The following FMNL2 variants were observed in gnomAD, a reference collection of about 807,000 sequenced individuals.
FMNL2 encodes formin-like protein 2.
A neutral mutation model predicts 130.2 loss-of-function variants in FMNL2; 51 were observed. The ratio of observed to expected loss-of-function variants is 0.39; its 90% CI spans 0.31 to 0.49. The LOEUF (loss-of-function observed/expected upper bound fraction) is 0.49. FMNL2 is among the 20% of genes least tolerant of loss of function. The pLI is 0.85. For synonymous variants in FMNL2, 465 were observed against 467.1 expected (o/e 1.00, Z 0.06); for missense variants, 977 against 1,316.2 (o/e 0.74, Z 3.99).
intron 1 of FMNL2, among the ~76,000 whole-genome samples, chr2:152,519,611 G>A (rs1692966508): frequency 6.6e-6 from 1 of 152,138 alleles, no homozygotes; most frequent in Admixed American, 6.5e-5. Context: ...TTTATCCTTG[G>A]GAGCCTAACA....
At chr2:152,376,516 G>A (rs936591982) in intron 1 of FMNL2, among the ~76,000 whole-genome samples, 3 of 152,172 alleles carry the variant, frequency 2.0e-5, no homozygotes, top group African/African-American at 7.2e-5. Context: ...CATTGGGGCC[G>A]AGGAAGGAGC....
chr2:152,617,265 C>T (rs1336643530), intron 13 of FMNL2, 73 bp downstream of exon 13: 4 of 1,328,544 alleles, frequency 3.0e-6, no homozygotes, highest in Non-Finnish European at 4.3e-6. Flanking sequence ...CAGTGGAACG[C>T]AGAGTACCTT....
intron 1 of FMNL2, among the ~76,000 whole-genome samples, chr2:152,358,454 A>G (rs1682970186): frequency 6.6e-6 from 1 of 151,888 alleles, no homozygotes. Context: ...GTTTGAGACC[A>G]CCCTGGCCAA....
At chr2:152,373,833 T>C (rs779775790) in intron 1 of FMNL2, among the ~76,000 whole-genome samples, 2 of 152,086 alleles carry the variant, frequency 1.3e-5, no homozygotes, top group Non-Finnish European at 2.9e-5. Flanking sequence ...ATCTGGGATG[T>C]AAGAGTTCAA....
chr2:152,629,697 G>T lies in FMNL2; in HGVS notation c.2442G>T (p.Ser814=). Residue 814 remains serine (S), a synonymous_variant, in exon 19 of 26, where the codon TCG becomes TCT. Coordinates refer to ENST00000288670, the MANE Select transcript of FMNL2 (RefSeq NM_052905.4). The stretch of plus-strand genomic sequence containing the variant: ...TAGCAGCATCTGTCTCTATAAAGTC[G>T]TCCCAAAAACTCAAGAAAATTCTGG... ...AIIAASVSIK[S]SQKLKKILEI... 6.2e-7 allele frequency: 1 copy of T among 1,603,530 alleles called. No homozygotes were observed. The highest frequency in any genetic ancestry group is 8.5e-7 in the Non-Finnish European group (1 of 1,174,530).
chr2:152,588,702 GT>G (rs1310900051), intron 9 of FMNL2, among the ~76,000 whole-genome samples: 4 of 152,042 alleles, frequency 2.6e-5, no homozygotes, highest in African/African-American at 9.7e-5. Flanking sequence ...CGAATCTCCA[GT>G]TTTAAAGAGC....
intron 15 of FMNL2, among the ~76,000 whole-genome samples, chr2:152,624,084 CCTTCGCCTCCCCTCCCCTCCCT>C (rs1681590461): frequency 9.1e-4 from 5 of 5,524 alleles, no homozygotes; most frequent in African/African-American, 2.1e-3. Flanking sequence ...CACTCAATTC[CCTTCGCCTCCCCTCCCCTCCCT>C]TCCCTTCCCT....
At chr2:152,390,153 T>C in intron 1 of FMNL2, 1 of 1,261,316 alleles carries the variant, frequency 7.9e-7, no homozygotes. Context: ...CCTGCCCAAT[T>C]ACTGCTGGAC....
At chr2:152,548,289 C>T (rs1396214586) in intron 3 of FMNL2, among the ~76,000 whole-genome samples, 2 of 152,200 alleles carry the variant, frequency 1.3e-5, no homozygotes, top group Non-Finnish European at 2.9e-5. Flanking sequence ...AAAGGGCCTG[C>T]CTGCAAGGTT....
At chr2:152,602,511 A>C (rs1486806137) in intron 9 of FMNL2, among the ~76,000 whole-genome samples, 1 of 152,132 alleles carries the variant, frequency 6.6e-6, no homozygotes, top group Admixed American at 6.5e-5. Context: ...TGTAGCTCTT[A>C]AACTTTCTCC....
At chr2:152,355,286 G>A (rs1579461001) in intron 1 of FMNL2, among the ~76,000 whole-genome samples, 1 of 152,120 alleles carries the variant, frequency 6.6e-6, no homozygotes, top group Non-Finnish European at 1.5e-5. Context: ...TTTTTCTTGA[G>A]CAGAAACAAA....
At chr2:152,419,015 T>A (rs1686767313) in intron 1 of FMNL2, among the ~76,000 whole-genome samples, 1 of 151,502 alleles carries the variant, frequency 6.6e-6, no homozygotes, top group African/African-American at 2.4e-5. Flanking sequence ...CTGATGGGTA[T>A]GAAACAGCAT....
chr2:152,442,344 C>T (rs554489904), intron 1 of FMNL2, among the ~76,000 whole-genome samples: 8 of 151,864 alleles, frequency 5.3e-5, no homozygotes, highest in African/African-American at 1.5e-4. Flanking sequence ...CTCCTTCTCC[C>T]GGGTTTAAGT....
At chr2:152,496,332 G>C (rs1691517931) in intron 1 of FMNL2, among the ~76,000 whole-genome samples, 1 of 152,106 alleles carries the variant, frequency 6.6e-6, no homozygotes, top group African/African-American at 2.4e-5. Context: ...TTTTTGGCAA[G>C]AATATCGTGG....
intron 1 of FMNL2, among the ~76,000 whole-genome samples, chr2:152,420,813 A>G (rs1383194820): frequency 6.6e-6 from 1 of 152,200 alleles, no homozygotes; most frequent in Non-Finnish European, 1.5e-5. Flanking sequence ...GTAAGTTATT[A>G]CAAACCTACT....
At chr2:152,359,507 A>G (rs1252437131) in intron 1 of FMNL2, among the ~76,000 whole-genome samples, 3 of 146,000 alleles carry the variant, frequency 2.1e-5, no homozygotes, top group African/African-American at 5.2e-5. Flanking sequence ...CATAACAGGT[A>G]AAAACAACTA....
chr2:152,346,767 C>T (rs752187080), intron 1 of FMNL2, among the ~76,000 whole-genome samples: 3 of 152,052 alleles, frequency 2.0e-5, no homozygotes, highest in Non-Finnish European at 4.4e-5. Context: ...ATTACCTGAT[C>T]CTCTTTTAAA....
intron 1 of FMNL2, among the ~76,000 whole-genome samples, chr2:152,442,060 A>AG (rs1688080117): frequency 6.6e-6 from 1 of 151,800 alleles, no homozygotes; most frequent in African/African-American, 2.4e-5. Context: ...TTGGTTGGTG[A>AG]GGGGGGCCAG....
chr2:152,369,385 T>TA (rs747031719), intron 1 of FMNL2, among the ~76,000 whole-genome samples: 1 of 152,226 alleles, frequency 6.6e-6, no homozygotes, highest in Non-Finnish European at 1.5e-5. Flanking sequence ...GATTGGCAAA[T>TA]AAAACTTGGG....
Sources: gnomAD v4.1 joint callset for allele counts (sites outside exome capture counted in the v4.1 genomes callset) on GRCh38, gnomAD v4.1.1 for gene constraint, MANE v1.5 for transcripts, NCBI Gene and HGNC (gene_info 2026-07-23, HGNC 2026-07-21) for gene names.